The following RBFOX1 variants were observed in gnomAD, a reference collection of about 807,000 sequenced individuals.
RBFOX1 encodes the protein RNA binding fox-1 homolog 1.
In RBFOX1, 8 loss-of-function variants were observed where a neutral mutation model predicts 57.7. The observed-to-expected ratio is 0.14, with a 90% CI of 0.08 to 0.25. RBFOX1 has a LOEUF of 0.25. Ranked by LOEUF, RBFOX1 falls within the 10% of genes least tolerant of loss-of-function variation. The probability of loss-of-function intolerance (pLI) is 1.00; values close to 1 mark genes in which losing one functional copy is unlikely to be tolerated. For synonymous variants in RBFOX1, 326 were observed against 222.4 expected, an observed-to-expected ratio of 1.47 and a Z score of -4.15; for missense variants, 611 against 548.5, an observed-to-expected ratio of 1.11 and a Z score of -1.14.
chr16:7,509,738 T>C (rs906358854), intron 4 of RBFOX1, among the ~76,000 whole-genome samples: 1 of 137,166 alleles, frequency 7.3e-6, no homozygotes, highest in African/African-American at 2.5e-5. Context: ...TTGCTATCTC[T>C]CTATCTCTTT....
At chr16:5,540,646 T>G (rs2044895063) in intron 2 of RBFOX1, among the ~76,000 whole-genome samples, 3 of 152,080 alleles carry the variant, frequency 2.0e-5, no homozygotes. Flanking sequence ...AAATCCAGAT[T>G]TCTGGGTCTG....
intron 3 of RBFOX1, among the ~76,000 whole-genome samples, chr16:6,687,862 G>C (rs1233993412): frequency 6.6e-6 from 1 of 152,118 alleles, no homozygotes; most frequent in Non-Finnish European, 1.5e-5. Flanking sequence ...TGTGTGCTCA[G>C]GAAGCACAAA....
intron 3 of RBFOX1, among the ~76,000 whole-genome samples, chr16:6,947,139 G>T (rs184045042): frequency 6.6e-6 from 1 of 152,236 alleles, no homozygotes; most frequent in African/African-American, 2.4e-5. Context: ...CACATAACCT[G>T]GCCCATGTTC....
chr16:6,795,491 C>T (rs570905933), intron 3 of RBFOX1, among the ~76,000 whole-genome samples: 178 of 152,062 alleles, frequency 1.2e-3, no homozygotes, highest in Non-Finnish European at 2.1e-3. Context: ...TTGTTGGCTG[C>T]GCACGTTGGC....
At chr16:6,716,482 G>A (rs557956292) in intron 3 of RBFOX1, among the ~76,000 whole-genome samples, 2 of 152,226 alleles carry the variant, frequency 1.3e-5, no homozygotes, top group East Asian at 3.9e-4. Context: ...GGCTAAATCT[G>A]TTATTACCTG....
intron 1 of RBFOX1, among the ~76,000 whole-genome samples, chr16:5,300,884 A>G (rs963991547): frequency 2.0e-5 from 3 of 152,076 alleles, no homozygotes; most frequent in African/African-American, 7.2e-5. Context: ...CCTCTCTTTA[A>G]TTGCTGGAAT....
At chr16:6,896,663 C>T (rs1021495118) in intron 3 of RBFOX1, among the ~76,000 whole-genome samples, 2 of 152,158 alleles carry the variant, frequency 1.3e-5, no homozygotes, top group African/African-American at 4.8e-5. Context: ...GCTTGGGCAT[C>T]ATCAACGCCA....
In RBFOX1 at chr16:5,617,870, G is replaced by T. The variant is rs142751152; in HGVS notation, c.318+18909G>T. The stretch of plus-strand genomic sequence containing the variant: ...CCTTCCCCTAGGCAGCATTTCCGAA[G>T]CTTATCTGTGACATTATGAAAGGTA... On this transcript the variant is annotated intron_variant, in intron 3 of 19. Coordinates refer to the RBFOX1 transcript ENST00000641259. Among the ~76,000 whole-genome samples, 20 of 152,214 alleles carry T rather than the reference G, an allele frequency of 1.3e-4. No individual in the cohort carries two copies. The East Asian group carries it at 3.1e-3, about 24-fold the overall frequency.
intron 4 of RBFOX1, among the ~76,000 whole-genome samples, chr16:7,317,971 A>G (rs2096475493): frequency 6.6e-6 from 1 of 151,940 alleles, no homozygotes; most frequent in South Asian, 2.1e-4. Context: ...GATGGTGGTG[A>G]TGGTGGTGGT....
chr16:6,278,758 T>C (rs1212313477), intron 1 of RBFOX1, among the ~76,000 whole-genome samples: 8 of 152,190 alleles, frequency 5.3e-5, no homozygotes, highest in Non-Finnish European at 1.2e-4. Flanking sequence ...TGGGGGGTTA[T>C]TTTGGTTTAT....
intron 2 of RBFOX1, among the ~76,000 whole-genome samples, chr16:6,365,463 G>A (rs2089431041): frequency 6.6e-6 from 1 of 152,036 alleles, no homozygotes; most frequent in South Asian, 2.1e-4. Context: ...TGGGTGAATG[G>A]ATGGGTGGGT....
intron 4 of RBFOX1, among the ~76,000 whole-genome samples, chr16:7,514,524 G>C (rs1033793971): frequency 1.4e-4 from 22 of 152,170 alleles, no homozygotes; most frequent in African/African-American, 5.3e-4. Flanking sequence ...TTGGTGCTGT[G>C]TGAGCTGTGG....
chr16:5,824,986 A>G lies in RBFOX1; in HGVS notation c.319-42317A>G, dbSNP rs955317048. On this transcript the variant is annotated intron_variant, in intron 3 of 19. Transcript: ENST00000641259. ...TGAGGGTCAACACTCTTACTCCATC[A>G]GAAAATTAAGAGGTCCCCATTGTGG... Among the ~76,000 whole-genome samples, 6 of 152,302 alleles carry G rather than the reference A, an allele frequency of 3.9e-5. No individual in the cohort carries two copies. In the South Asian group the frequency reaches 1.2e-3, roughly 32 times the overall value.
In RBFOX1 at chr16:6,200,101, A is replaced by G. The variant is rs188488373; in HGVS notation, c.-126-116894A>G. ...GGCAGTAAGCTTCTGCAAGGACCCC[A>G]TTGGAAAGGGAGCCAAATTGTTTCT... is the stretch of plus-strand genomic sequence containing the variant. On this transcript the variant is annotated intron_variant, in intron 1 of 15. Transcript: ENST00000550418. Among the ~76,000 whole-genome samples, 328 of 152,290 alleles carry G rather than the reference A, an allele frequency of 2.2e-3. 2 individuals carry two copies. The highest frequency in any genetic ancestry group is 3.0e-3 in the Non-Finnish European group (203 of 68,028).
chr16:6,160,406 ATACTT>A (rs1567586513), intron 1 of RBFOX1, among the ~76,000 whole-genome samples: 2 of 152,158 alleles, frequency 1.3e-5, no homozygotes, highest in African/African-American at 4.8e-5. Context: ...CAGCTAAAAT[ATACTT>A]GTCTAAAATA....
At chr16:7,318,225 A>G (rs1396441895) in intron 4 of RBFOX1, among the ~76,000 whole-genome samples, 1 of 151,764 alleles carries the variant, frequency 6.6e-6, no homozygotes, top group Non-Finnish European at 1.5e-5. Context: ...GGTGATGGCC[A>G]TGGTAATGGA....
At chr16:5,464,067 C>G (rs774031764) in intron 1 of RBFOX1, among the ~76,000 whole-genome samples, 15 of 152,272 alleles carry the variant, frequency 9.9e-5, no homozygotes, top group African/African-American at 2.6e-4. Context: ...CAGGAGGTGC[C>G]AGGGCTTCAG....
At chr16:7,521,540 A>G (rs567922934) in intron 5 of RBFOX1, among the ~76,000 whole-genome samples, 1 of 152,332 alleles carries the variant, frequency 6.6e-6, no homozygotes, top group South Asian at 2.1e-4. Flanking sequence ...TTGAATTTAA[A>G]TAGCGTGTTG....
intron 5 of RBFOX1, among the ~76,000 whole-genome samples, chr16:7,560,300 T>A (rs758085394): frequency 6.6e-6 from 1 of 152,188 alleles, no homozygotes; most frequent in Non-Finnish European, 1.5e-5. Flanking sequence ...ATCCTTGCAT[T>A]TTTAGACGTG....
Sources: gnomAD v4.1 joint callset for allele counts (sites outside exome capture counted in the v4.1 genomes callset) on GRCh38, gnomAD v4.1.1 for gene constraint, MANE v1.5 for transcripts, NCBI Gene and HGNC (gene_info 2026-07-23, HGNC 2026-07-21) for gene names.